The following SIRPA variants were observed in gnomAD, a reference collection of about 807,000 sequenced individuals.
The protein encoded by SIRPA is signal regulatory protein alpha, also known as tyrosine-protein phosphatase non-receptor type substrate 1.
A neutral mutation model predicts 50.3 loss-of-function variants in SIRPA; 9 were observed. That is an observed-to-expected ratio of 0.18 (90% confidence interval 0.11 to 0.31). The LOEUF (loss-of-function observed/expected upper bound fraction) is 0.31, where lower values mean the gene tolerates loss of function less well. SIRPA is among the 10% of genes least tolerant of loss of function. The pLI, the probability that SIRPA is intolerant of heterozygous loss-of-function variation, is 1.00. For synonymous variants in SIRPA, 265 were observed against 284.1 expected, an observed-to-expected ratio of 0.93 and a Z score of 0.68; for missense variants, 474 against 661.6, an observed-to-expected ratio of 0.72 and a Z score of 3.11.
chr20:1,918,487 C>T (rs1985444611), intron 2 of SIRPA, among the ~76,000 whole-genome samples: 1 of 150,750 alleles, frequency 6.6e-6, no homozygotes, highest in Admixed American at 6.7e-5. Context: ...GCTGGGATTA[C>T]AGGTGTGAGC....
chr20:1,901,807 G>A (rs1984229142), intron 1 of SIRPA, among the ~76,000 whole-genome samples: 1 of 152,126 alleles, frequency 6.6e-6, no homozygotes. Context: ...GCAGATTAGC[G>A]CCAAGAGCCC....
At chr20:1,919,121 G>A (rs6045428) in intron 2 of SIRPA, among the ~76,000 whole-genome samples, 7,665 of 152,294 alleles carry the variant, frequency 0.05, 455 homozygotes, top group African/African-American at 0.14. Context: ...CCTCAGATGG[G>A]TTAGTGCTCC....
intron 1 of SIRPA, among the ~76,000 whole-genome samples, chr20:1,911,547 A>G (rs570788957): frequency 7.9e-4 from 120 of 152,264 alleles, no homozygotes; most frequent in African/African-American, 2.8e-3. Flanking sequence ...GCCGTAATTC[A>G]CTTAACCATC....
rs751114776 is a variant in SIRPA at position 1,934,839 on chromosome 20, A to T, written c.1266+85A>T. On this transcript the variant is annotated intron_variant, in intron 7 of 7. Transcript: ENST00000358771. The surrounding 1 kb of genome is among the most constrained non-coding windows in gnomAD (Gnocchi z 4.6). ...AACCGGAATTGCAGATCTGGTTCTA[A>T]ATTAAGACTCCTTGTGGGGTGGAGG... 3.5e-6 allele frequency: 5 copies of T among 1,436,120 alleles called. No individual in the cohort carries two copies. In the East Asian group the frequency reaches 1.1e-4, roughly 33 times the overall value. The allele number at this position is 1,436,120 out of a possible 1,614,324, so 89.0% of individuals were successfully genotyped here.
At chr20:1,916,107 G>A (rs530260738) in intron 2 of SIRPA, among the ~76,000 whole-genome samples, 27 of 152,330 alleles carry the variant, frequency 1.8e-4, no homozygotes, top group East Asian at 3.9e-4. Context: ...TGATTCATGC[G>A]TCACTAAAGG....
intron 6 of SIRPA, among the ~76,000 whole-genome samples, chr20:1,929,970 A>G (rs1039645145): frequency 6.6e-6 from 1 of 151,832 alleles, no homozygotes; most frequent in Non-Finnish European, 1.5e-5. Context: ...TCACGGCTCA[A>G]CCACACTGTG....
chr20:1,931,468 A>G (rs1040174670), intron 6 of SIRPA, among the ~76,000 whole-genome samples: 1 of 152,056 alleles, frequency 6.6e-6, no homozygotes, highest in Non-Finnish European at 1.5e-5. Flanking sequence ...AGAGAAACCA[A>G]CCGTTTTCTG....
chr20:1,900,204 G>A (rs909572389), intron 1 of SIRPA, among the ~76,000 whole-genome samples: 2 of 150,958 alleles, frequency 1.3e-5, no homozygotes, highest in South Asian at 2.1e-4. Flanking sequence ...GGGTTCAAGC[G>A]ATTCTCCTGC....
rs908967807 is a variant in SIRPA, at chr20:1,928,163, C to T, written c.1226+264C>T. Reference sequence around the variant, plus strand: ...AGACCCTTGTCTAATCCCATGTGGACTGGGGCAGAGACCTCCCGGGCTTTC... The same window carrying T: ...AGACCCTTGTCTAATCCCATGTGGATTGGGGCAGAGACCTCCCGGGCTTTC... On this transcript the variant is annotated intron_variant, in intron 6 of 7. Coordinates refer to ENST00000358771, the MANE Select transcript of SIRPA (RefSeq NM_001040023.2). This position sits in a 1 kb window ranked among gnomAD's most constrained non-coding sequence, Gnocchi z 4.9. Among the ~76,000 whole-genome samples the T allele has an allele frequency of 2.6e-5, 4 of 152,238 alleles. No homozygotes were observed. The South Asian group carries it at 6.2e-4, about 24-fold the overall frequency.
At chr20:1,920,240 A>G (rs1013306005) in intron 2 of SIRPA, among the ~76,000 whole-genome samples, 1 of 152,228 alleles carries the variant, frequency 6.6e-6, no homozygotes, top group African/African-American at 2.4e-5. Context: ...GCAGCCCCTC[A>G]GCCCTGTGGG....
In SIRPA at chr20:1,937,085, C is replaced by T. The variant is rs932156888; in HGVS notation, c.1267-235C>T. On this transcript the variant is annotated intron_variant, in intron 7 of 7. Coordinates refer to ENST00000358771, the MANE Select transcript of SIRPA (RefSeq NM_001040023.2). This position sits in a 1 kb window ranked among gnomAD's most constrained non-coding sequence, Gnocchi z 8.3. Reference sequence around the variant, plus strand: ...CTGAGGCGGGGCTGTGAGGAGACTGCACTGTGCGGGTCAGAAAGACCCTTC... The same window carrying T: ...CTGAGGCGGGGCTGTGAGGAGACTGTACTGTGCGGGTCAGAAAGACCCTTC... Among the ~76,000 whole-genome samples, 5 of 152,008 alleles carry T rather than the reference C, an allele frequency of 3.3e-5. No homozygotes were observed. Among genetic ancestry groups the T allele is most frequent in the African/African-American group, 9.7e-5 (4 of 41,376 alleles).
At chr20:1,920,529 C>A (rs927519061) in intron 2 of SIRPA, among the ~76,000 whole-genome samples, 1 of 152,170 alleles carries the variant, frequency 6.6e-6, no homozygotes, top group African/African-American at 2.4e-5. Flanking sequence ...TGCTTGGGCG[C>A]CCTGTGTCTG....
At chr20:1,906,689 G>A (rs1984570086) in intron 1 of SIRPA, among the ~76,000 whole-genome samples, 1 of 152,170 alleles carries the variant, frequency 6.6e-6, no homozygotes, top group African/African-American at 2.4e-5. Context: ...TTGCACAAAG[G>A]AGGAACGTCA....
Position 1,928,560 on chromosome 20 carries a change from C to T in SIRPA, c.1226+661C>T, listed in dbSNP as rs115066367. On this transcript the variant is annotated intron_variant, in intron 6 of 7. Transcript: ENST00000358771. This position sits in a 1 kb window ranked among gnomAD's most constrained non-coding sequence, Gnocchi z 4.9. ...CGCCGGTGAGAGAAACAGGCATAAA[C>T]GCAGAAATAAAGTGATTCATGGTGT... 8.8e-3 allele frequency among the ~76,000 whole-genome samples: 1,335 copies of T among 152,228 alleles called. 24 individuals are homozygous for T. Among genetic ancestry groups the T allele is most frequent in the African/African-American group, 0.03 (1,254 of 41,520 alleles).
Position 1,900,292 on chromosome 20 carries a change from G to A in SIRPA, c.79+4766G>A, listed in dbSNP as rs546214390. Among the ~76,000 whole-genome samples, 3 of 152,092 alleles carry A rather than the reference G, an allele frequency of 2.0e-5. No homozygotes were observed. In the South Asian group the frequency reaches 6.2e-4, roughly 32 times the overall value. ...ATTTTGTATTTTTAGTAGAGACAAG[G>A]TTTCTCCGTGTTGGTCAGGCTGGTC... On this transcript the variant is annotated intron_variant, in intron 1 of 7. Coordinates refer to ENST00000358771, the MANE Select transcript of SIRPA (RefSeq NM_001040023.2).
chr20:1,922,687 T>G, intron 4 of SIRPA, 42 bp downstream of exon 4: 1 of 1,544,832 alleles, frequency 6.5e-7, no homozygotes, highest in Non-Finnish European at 8.7e-7. Context: ...TTTAAACTTT[T>G]AGTTTTGTGG....
rs1349834945 is a variant in SIRPA at position 1,927,884 on chromosome 20, C to T, written c.1211C>T (p.Ser404Phe). The change falls in exon 6 of 8, where the codon TCC (serine) becomes TTC (phenylalanine). Residue 404 changes from serine (S) to phenylalanine (F), a missense_variant. Ser to Phe is a radical substitution (Grantham distance 155). Coordinates refer to ENST00000358771, the MANE Select transcript of SIRPA (RefSeq NM_001040023.2). The surrounding 1 kb of genome is among the most constrained non-coding windows in gnomAD (Gnocchi z 6.5). ...TTCTTTTGTCTTTCAGCCCAGGGCT[C>T]CACTTCTTCTACAAGGTAAGTGCAT... The part of the protein sequence containing the change: ...VRIRQKKAQG[S>F]TSSTRLHEPE... 6.2e-7 allele frequency: 1 copy of T among 1,613,966 alleles called. No individual in the cohort carries two copies. The highest frequency in any genetic ancestry group is 8.5e-7 in the Non-Finnish European group (1 of 1,179,794).
At position 1,937,796 on chromosome 20, in the gene SIRPA, G is replaced by T. The variant is rs1305197399; in HGVS notation, c.*228G>T. ...CATTGCCACATACCTGGAGGCTGACGTTGCCAAACCAGCCAGGGAACCAAC... is the reference window on the plus strand; with the variant it reads ...CATTGCCACATACCTGGAGGCTGACTTTGCCAAACCAGCCAGGGAACCAAC... On this transcript the variant is annotated 3_prime_UTR_variant, in exon 8 of 8. Coordinates refer to ENST00000358771, the MANE Select transcript of SIRPA (RefSeq NM_001040023.2). This position sits in a 1 kb window ranked among gnomAD's most constrained non-coding sequence, Gnocchi z 8.3. 5.0e-6 allele frequency: 3 copies of T among 596,418 alleles called. No individual in the cohort carries two copies. The highest frequency in any genetic ancestry group is 2.8e-5 in the East Asian group (1 of 35,280). The allele number at this position is 596,418 out of a possible 1,614,324, so 36.9% of individuals were successfully genotyped here. A position where few individuals can be genotyped will look rare whatever the true frequency, so the allele number is the denominator to read the frequency against.
chr20:1,894,991 G>C (rs936812630), upstream of SIRPA, among the ~76,000 whole-genome samples: 4 of 146,876 alleles, frequency 2.7e-5, no homozygotes, highest in Admixed American at 2.7e-4. This position sits in a 1 kb window ranked among gnomAD's most constrained non-coding sequence, Gnocchi z 4.0. Flanking sequence ...GGGCGGCTCC[G>C]CGCGGCCGGG....
Sources: gnomAD v4.1 joint callset for allele counts (sites outside exome capture counted in the v4.1 genomes callset) on GRCh38, gnomAD v4.1.1 for gene constraint, Gnocchi (gnomAD v3.1) non-coding constraint, MANE v1.5 for transcripts, NCBI Gene and HGNC (gene_info 2026-07-23, HGNC 2026-07-21) for gene names.